Variants in BTBD9 observed in about 807,000 individuals in gnomAD.
BTBD9 encodes the protein BTB/POZ domain-containing protein 9.
Under a neutral mutation model 64.3 loss-of-function variants are expected in BTBD9, and 49 were observed. The observed-to-expected ratio is 0.76, with a 90% confidence interval of 0.61 to 0.97. The LOEUF (loss-of-function observed/expected upper bound fraction) is 0.97, where lower values mean the gene tolerates loss of function less well. BTBD9 is among the 50% of genes least tolerant of loss of function. The pLI, the probability that BTBD9 is intolerant of heterozygous loss-of-function variation, is 0.00. For synonymous variants in BTBD9, 260 were observed against 274.7 expected, an observed-to-expected ratio of 0.95 and a Z score of 0.53; for missense variants, 598 against 762.1, an observed-to-expected ratio of 0.78 and a Z score of 2.53.
chr6:38,447,452 C>T (rs1385154667), intron 6 of BTBD9, among the ~76,000 whole-genome samples: 1 of 152,186 alleles, frequency 6.6e-6, no homozygotes, highest in Admixed American at 6.5e-5. Flanking sequence ...GAAACTGTGA[C>T]TGAGTTCATG....
chr6:38,338,027 G>A (rs73422860), intron 7 of BTBD9, among the ~76,000 whole-genome samples: 3,714 of 152,282 alleles, frequency 0.024, 144 homozygotes, highest in African/African-American at 0.085. Flanking sequence ...GCAGTAGTAA[G>A]TGTACCGACA....
chr6:38,383,503 C>G (rs536555142), intron 6 of BTBD9, among the ~76,000 whole-genome samples: 1 of 152,118 alleles, frequency 6.6e-6, no homozygotes, highest in Non-Finnish European at 1.5e-5. Flanking sequence ...AACTGCATTT[C>G]TATACATTCT....
chr6:38,284,004 T>C (rs924801773), intron 8 of BTBD9, among the ~76,000 whole-genome samples: 6 of 152,236 alleles, frequency 3.9e-5, no homozygotes, highest in Non-Finnish European at 4.4e-5. Flanking sequence ...AACTGAAGCC[T>C]GCCAAGATCT....
intron 6 of BTBD9, among the ~76,000 whole-genome samples, chr6:38,519,886 C>A (rs1168038547): frequency 6.6e-6 from 1 of 152,182 alleles, no homozygotes; most frequent in African/African-American, 2.4e-5. Context: ...GACTAACATA[C>A]TAGCCTAAGG....
chr6:38,565,310 T>C (rs962197183), intron 6 of BTBD9, among the ~76,000 whole-genome samples: 4 of 152,202 alleles, frequency 2.6e-5, no homozygotes, highest in East Asian at 1.9e-4. Flanking sequence ...GTCCTGTGCA[T>C]TGTAAGATGT....
rs1202331208 is a variant in BTBD9 at position 38,374,319 on chromosome 6, A to T, written c.1155-29226T>A. Reference sequence around the variant, plus strand: ...TATGTATATATATGTATATATATATATATATATGTATATAAAATCTGTACT... The same window carrying T: ...TATGTATATATATGTATATATATATTTATATATGTATATAAAATCTGTACT... On this transcript the variant is annotated intron_variant, in intron 6 of 10. Transcript: ENST00000481247. Among the ~76,000 whole-genome samples, 48 of 115,322 alleles carry T rather than the reference A, an allele frequency of 4.2e-4. 7 individuals are homozygous for T. Among genetic ancestry groups the T allele is most frequent in the African/African-American group, 1.6e-3 (47 of 30,046 alleles). 75.7% of individuals were successfully genotyped at this position (115,322 alleles called of 152,430 possible).
intron 7 of BTBD9, among the ~76,000 whole-genome samples, chr6:38,310,820 T>TTGTTC (rs1762800181): frequency 6.6e-6 from 1 of 152,192 alleles, no homozygotes. Flanking sequence ...TTGTTTTGTT[T>TTGTTC]TGTTTTTTGA....
intron 1 of BTBD9, among the ~76,000 whole-genome samples, chr6:38,604,330 A>C (rs1777353755): frequency 6.6e-6 from 1 of 152,230 alleles, no homozygotes; most frequent in African/African-American, 2.4e-5. Flanking sequence ...AAAGAATAGT[A>C]TCATAAAAAT....
intron 9 of BTBD9, among the ~76,000 whole-genome samples, chr6:38,252,673 T>C (rs1764443254): frequency 6.6e-6 from 1 of 152,216 alleles, no homozygotes. Context: ...GAAAAAGATG[T>C]TGGTAATTTA....
intron 4 of BTBD9, chr6:38,587,338 G>T: frequency 4.4e-6 from 2 of 452,758 alleles, no homozygotes; most frequent in South Asian, 3.8e-5. Context: ...CAGACAGTTG[G>T]ACCTAAGTGG....
intron 1 of BTBD9, among the ~76,000 whole-genome samples, chr6:38,617,221 C>T (rs1011263578): frequency 8.5e-5 from 13 of 152,164 alleles, no homozygotes; most frequent in Non-Finnish European, 1.0e-4. Flanking sequence ...CGGGCTGAGC[C>T]GAGGGTCAAC....
intron 6 of BTBD9, among the ~76,000 whole-genome samples, chr6:38,529,450 G>A (rs568382583): frequency 7.6e-4 from 116 of 152,238 alleles, no homozygotes; most frequent in Non-Finnish European, 1.4e-3. Context: ...TGACTACCTG[G>A]GAAGCCTTCC....
At chr6:38,191,620 G>A (rs1018395165) in intron 10 of BTBD9, among the ~76,000 whole-genome samples, 1 of 152,178 alleles carries the variant, frequency 6.6e-6, no homozygotes, top group Non-Finnish European at 1.5e-5. Flanking sequence ...CTCGGGCTCC[G>A]CCCATCCCTG....
At chr6:38,377,878 C>T (rs1489335128) in intron 6 of BTBD9, among the ~76,000 whole-genome samples, 1 of 152,094 alleles carries the variant, frequency 6.6e-6, no homozygotes, top group Non-Finnish European at 1.5e-5. Flanking sequence ...AATCAATGTA[C>T]CAACTTCTTC....
chr6:38,507,407 C>T (rs984263819), intron 6 of BTBD9, among the ~76,000 whole-genome samples: 1 of 152,190 alleles, frequency 6.6e-6, no homozygotes, highest in Admixed American at 6.5e-5. Context: ...CTCCCAGCTA[C>T]CACCTATCTG....
chr6:38,276,465 T>C (rs1265861840), intron 8 of BTBD9, among the ~76,000 whole-genome samples: 1 of 152,038 alleles, frequency 6.6e-6, no homozygotes, highest in Non-Finnish European at 1.5e-5. Context: ...AAGCTGCACA[T>C]TGTGCACATG....
chr6:38,304,556 CAAAA>C (rs1157109972), intron 7 of BTBD9, among the ~76,000 whole-genome samples: 7 of 141,584 alleles, frequency 4.9e-5, no homozygotes, highest in African/African-American at 1.8e-4. Context: ...AAAAAACAAA[CAAAA>C]AAAAAAAAAA....
rs140930561 is a variant in BTBD9 at position 38,505,458 on chromosome 6, C to A, written c.1154+72142G>T. ...AGGCCAACATGGTGAAACCCCACCT[C>A]TATTAAAAATACAAAATTAGCCAGG... is the stretch of plus-strand genomic sequence containing the variant. On this transcript the variant is annotated intron_variant, in intron 6 of 10. Transcript: ENST00000481247. Among the ~76,000 whole-genome samples the A allele has an allele frequency of 3.8e-3, 573 of 152,080 alleles. 1 individual carries two copies. The highest frequency in any genetic ancestry group is 5.2e-3 in the Non-Finnish European group (355 of 67,992).
At position 38,198,494 on chromosome 6, in the gene BTBD9, AGCAGCTCTCTGTCCT is replaced by A. The variant is rs563707032; in HGVS notation, c.1563-5912_1563-5898del. 4.6e-5 allele frequency among the ~76,000 whole-genome samples: 7 copies of A among 152,332 alleles called. No individual in the cohort carries two copies. In the East Asian group the frequency reaches 1.3e-3, roughly 29 times the overall value. ...AGGGTGACCGTAGTGCTCAGCAGAG[AGCAGCTCTCTGTCCT>A]GAGCCTTGTTTTGCCTTCTCTGAGG... On this transcript the variant is annotated intron_variant, in intron 9 of 10. Coordinates refer to ENST00000481247, the MANE Select transcript of BTBD9 (RefSeq NM_001099272.2).
Sources: gnomAD v4.1 joint callset for allele counts (sites outside exome capture counted in the v4.1 genomes callset) on GRCh38, gnomAD v4.1.1 for gene constraint, MANE v1.5 for transcripts, NCBI Gene and HGNC (gene_info 2026-07-23, HGNC 2026-07-21) for gene names.